Variants in STX7 observed in about 807,000 individuals in gnomAD.
STX7 encodes syntaxin 7, also known as syntaxin-7.
A neutral mutation model predicts 39.6 loss-of-function variants in STX7; 34 were observed. The ratio of observed to expected loss-of-function variants is 0.86; its 90% CI spans 0.65 to 1.14. The LOEUF is 1.14. STX7 is among the 50% of genes most tolerant of loss of function. STX7 has a pLI of 0.00. For synonymous variants in STX7, 119 were observed against 99.1 expected (o/e 1.20, Z -1.19); for missense variants, 284 against 310.4 (o/e 0.92, Z 0.64).
chr6:132,465,811 G>A (rs771444813), intron 8 of STX7, among the ~76,000 whole-genome samples: 1 of 152,068 alleles, frequency 6.6e-6, no homozygotes, highest in Non-Finnish European at 1.5e-5. Flanking sequence ...TATATACCCC[G>A]AGCAAGAGCC....
chr6:132,451,000 G>T lies in STX7; in HGVS notation c.*9758C>A, dbSNP rs1301965945. On this transcript the variant is annotated 3_prime_UTR_variant, in exon 10 of 10. Coordinates refer to ENST00000367941, the MANE Select transcript of STX7 (RefSeq NM_003569.3). The stretch of plus-strand genomic sequence containing the variant: ...TAAACAACTAAAAACTAAACACAAA[G>T]GAAAAAAAGAAAAAGAAAAAAGACA... 1 of 149,380 alleles carries T rather than the reference G, an allele frequency of 6.7e-6. No individual in the cohort carries two copies. The highest frequency in any genetic ancestry group is 1.5e-5 in the Non-Finnish European group (1 of 67,374). The allele number at this position is 149,380 out of a possible 1,614,324, so 9.3% of individuals were successfully genotyped here. A position where few individuals can be genotyped will look rare whatever the true frequency, so the allele number is the denominator to read the frequency against.
At chr6:132,481,702 TAC>T (rs1381947365) in intron 2 of STX7, among the ~76,000 whole-genome samples, 2 of 152,094 alleles carry the variant, frequency 1.3e-5, no homozygotes, top group Non-Finnish European at 2.9e-5. Context: ...CAAGGCCCCC[TAC>T]ACTTATGCAG....
chr6:132,469,951 T>C lies in STX7; in HGVS notation c.537A>G (p.Glu179=), dbSNP rs1163017464. 1.3e-6 allele frequency: 2 copies of C among 1,595,466 alleles called. No individual in the cohort carries two copies. The change falls in exon 7 of 10, where the codon GAA becomes GAG. Residue 179 remains glutamate, a splice_region_variant and synonymous_variant. Transcript: ENST00000367941. ...CCCAAGTCTACAATGTAAGCCTTAC[T>C]TCAAGTTGCCTGATAGAAGATTCTC... ...HERESSIRQL[E]ADIMDINEIF...
At chr6:132,489,351 G>T (rs2114435668) in intron 2 of STX7, among the ~76,000 whole-genome samples, 1 of 152,186 alleles carries the variant, frequency 6.6e-6, no homozygotes, top group South Asian at 2.1e-4. Flanking sequence ...AGGGTACAAT[G>T]TGTAGAGAAA....
At chr6:132,502,762 G>A (rs531910820) in intron 2 of STX7, among the ~76,000 whole-genome samples, 104 of 152,288 alleles carry the variant, frequency 6.8e-4, no homozygotes, top group African/African-American at 2.3e-3. Context: ...AGCCGGGCGT[G>A]GTGGCGGGCG....
chr6:132,511,069 T>TG (rs1268141188), intron 1 of STX7, among the ~76,000 whole-genome samples: 2 of 152,096 alleles, frequency 1.3e-5, no homozygotes, highest in African/African-American at 4.8e-5. Context: ...TTCTGAGGGG[T>TG]GGGGGGTGAG....
At chr6:132,475,284 T>A (rs1383751059) in intron 3 of STX7, 9 of 168,754 alleles carry the variant, frequency 5.3e-5, no homozygotes, top group Non-Finnish European at 2.5e-5. Flanking sequence ...CCACCACGCC[T>A]GGCTAATTTT....
intron 2 of STX7, 83 bp downstream of exon 2, chr6:132,503,363 G>A (rs1431704735): frequency 1.7e-6 from 2 of 1,168,286 alleles, no homozygotes; most frequent in East Asian, 4.8e-5. Context: ...CTCTCAATCA[G>A]CAGAGTTGTC....
intron 2 of STX7, among the ~76,000 whole-genome samples, chr6:132,485,489 G>A (rs1013700567): frequency 1.3e-5 from 2 of 152,126 alleles, no homozygotes; most frequent in African/African-American, 4.8e-5. Flanking sequence ...TGCCCTACAA[G>A]TCTTTGTATG....
chr6:132,470,486 T>C (rs1014438922), intron 6 of STX7, 88 bp downstream of exon 6: 6 of 955,094 alleles, frequency 6.3e-6, no homozygotes, highest in Non-Finnish European at 9.4e-6. Context: ...ATATAATATA[T>C]TGAAAGCTTT....
chr6:132,471,731 C>T lies in STX7; in HGVS notation c.250-131G>A, dbSNP rs961258391. 3 of 1,000,802 alleles carry T rather than the reference C, an allele frequency of 3.0e-6. No individual in the cohort carries two copies. In the African/African-American group the frequency reaches 4.9e-5, roughly 16 times the overall value. 62.0% of individuals were successfully genotyped at this position (1,000,802 alleles called of 1,614,324 possible). A position where few individuals can be genotyped will look rare whatever the true frequency, so the allele number is the denominator to read the frequency against. On this transcript the variant is annotated intron_variant, in intron 4 of 9. Transcript: ENST00000367941. ...AATTACAGGGCCTTACAGATTAACTCTCAGTAACATTCTGATAGTATGTCA... is the reference window on the plus strand; with the variant it reads ...AATTACAGGGCCTTACAGATTAACTTTCAGTAACATTCTGATAGTATGTCA...
Position 132,470,087 on chromosome 6 carries a change from G to A in STX7, c.441-40C>T, listed in dbSNP as rs1774676089. The stretch of plus-strand genomic sequence containing the variant: ...TGAATGTGGAAAAAAACAAAGATTG[G>A]TATTCAAAACAATGGGACTCATTTC... On this transcript the variant is annotated intron_variant, in intron 6 of 9. Transcript: ENST00000367941. 3.4e-6 allele frequency: 5 copies of A among 1,461,676 alleles called. No homozygotes were observed. The African/African-American group carries it at 5.8e-5, about 17-fold the overall frequency. The allele number at this position is 1,461,676 out of a possible 1,614,324, so 90.5% of individuals were successfully genotyped here. A position where few individuals can be genotyped will look rare whatever the true frequency, so the allele number is the denominator to read the frequency against.
At chr6:132,472,208 A>C in intron 4 of STX7, 74 bp downstream of exon 4, 3 of 1,084,924 alleles carry the variant, frequency 2.8e-6, no homozygotes, top group Non-Finnish European at 4.0e-6. Context: ...CTAGCGTAAC[A>C]GTTCAAAGAT....
At chr6:132,463,879 T>G (rs1174100406) in intron 9 of STX7, 114 bp downstream of exon 9, 5 of 983,722 alleles carry the variant, frequency 5.1e-6, no homozygotes, top group Non-Finnish European at 8.0e-6. Context: ...GGATTTTAAA[T>G]TTTAACATCT....
intron 2 of STX7, among the ~76,000 whole-genome samples, chr6:132,482,452 A>G (rs780364539): frequency 1.8e-4 from 27 of 152,222 alleles, no homozygotes; most frequent in Non-Finnish European, 3.7e-4. Flanking sequence ...CTATTTTATA[A>G]ACAAAGAAGT....
At chr6:132,463,363 A>G (rs12195647) in intron 9 of STX7, among the ~76,000 whole-genome samples, 14,473 of 152,278 alleles carry the variant, frequency 0.095, 797 homozygotes, top group East Asian at 0.16. Flanking sequence ...TGCATATTGT[A>G]TGATGTATTA....
At chr6:132,472,868 G>C (rs531719050) in intron 3 of STX7, among the ~76,000 whole-genome samples, 17 of 152,246 alleles carry the variant, frequency 1.1e-4, no homozygotes, top group Admixed American at 9.2e-4. Flanking sequence ...AAAAAGGCGG[G>C]GGGGAGGGGC....
intron 1 of STX7, among the ~76,000 whole-genome samples, chr6:132,505,739 T>TAAAAAAAA (rs368964430): frequency 2.2e-4 from 13 of 60,408 alleles, no homozygotes; most frequent in East Asian, 6.3e-4. Flanking sequence ...CCAAGTCACT[T>TAAAAAAAA]AAAAAAAAAA....
rs1432759060 is a variant in STX7, at chr6:132,458,187, C to T, written c.*2571G>A. ...AGACACTAAATAACCCAGTGGCGAC[C>T]TCTTCAAAGTGCAGTGTCCTTGGTC... On this transcript the variant is annotated 3_prime_UTR_variant, in exon 10 of 10. Transcript: ENST00000367941. The T allele has an allele frequency of 1.3e-5, 2 of 152,176 alleles. No homozygotes were observed. The highest frequency in any genetic ancestry group is 6.5e-5 in the Admixed American group (1 of 15,270). 9.4% of individuals were successfully genotyped at this position (152,176 alleles called of 1,614,324 possible). A position where few individuals can be genotyped will look rare whatever the true frequency, so the allele number is the denominator to read the frequency against.
Sources: gnomAD v4.1 joint callset for allele counts (sites outside exome capture counted in the v4.1 genomes callset) on GRCh38, gnomAD v4.1.1 for gene constraint, MANE v1.5 for transcripts, NCBI Gene and HGNC (gene_info 2026-07-23, HGNC 2026-07-21) for gene names.